BRD10: variants seen among roughly 807,000 people sequenced by gnomAD.
BRD10 encodes the protein bromodomain containing 10.
chr9:5,929,039 AT>A, the BRD10 span: 1 of 1,466,228 alleles, frequency 6.8e-7, no homozygotes. Context: ...TAACATTAAA[AT>A]TACCTGTTTC....
At chr9:5,987,065 G>C in the BRD10 span, among the ~76,000 whole-genome samples, 1,267 of 152,188 alleles carry the variant, frequency 8.3e-3, 15 homozygotes, top group African/African-American at 0.029. Context: ...GTATGACCTT[G>C]GGCAAGTTAC....
At chr9:5,915,868 T>C in the BRD10 span, among the ~76,000 whole-genome samples, 1 of 152,228 alleles carries the variant, frequency 6.6e-6, no homozygotes, top group Non-Finnish European at 1.5e-5. Flanking sequence ...GTAGATGCCT[T>C]GAATTTGTTT....
chr9:5,882,553 A>C, the BRD10 span, among the ~76,000 whole-genome samples: 1 of 152,198 alleles, frequency 6.6e-6, no homozygotes, highest in Non-Finnish European at 1.5e-5. Flanking sequence ...TCACAACCTT[A>C]CACAAAAAAT....
At chr9:5,918,672 TTAGTGGCAA>T in the BRD10 span, among the ~76,000 whole-genome samples, 4 of 146,906 alleles carry the variant, frequency 2.7e-5, no homozygotes, top group Admixed American at 1.4e-4. Flanking sequence ...ATTAGTGGCA[TTAGTGGCAA>T]AAAAACCACA....
At chr9:5,968,626 G>A in the BRD10 span, 1 of 1,613,500 alleles carries the variant, frequency 6.2e-7, no homozygotes, top group African/African-American at 1.3e-5. Flanking sequence ...GCTCTTTCTT[G>A]AAGGAAGAGG....
At chr9:5,935,555 CT>C in the BRD10 span, among the ~76,000 whole-genome samples, 1 of 152,188 alleles carries the variant, frequency 6.6e-6, no homozygotes, top group East Asian at 1.9e-4. Context: ...CTGAATTTGA[CT>C]GTTTTCAATA....
At chr9:5,909,161 AG>A in the BRD10 span, 1,301 of 157,218 alleles carry the variant, frequency 8.3e-3, 7 homozygotes, top group Non-Finnish European at 0.013. Flanking sequence ...GTTAAGACAA[AG>A]GGTTGACTGG....
chr9:6,001,716 C>G, the BRD10 span, among the ~76,000 whole-genome samples: 1 of 152,188 alleles, frequency 6.6e-6, no homozygotes, highest in Non-Finnish European at 1.5e-5. Flanking sequence ...AAACCTAGCT[C>G]AAAAACTACA....
chr9:5,953,404 A>T, the BRD10 span, among the ~76,000 whole-genome samples: 1 of 152,248 alleles, frequency 6.6e-6, no homozygotes, highest in Admixed American at 6.5e-5. Flanking sequence ...TATTAGCTAC[A>T]AATAAAAAAC....
At chr9:5,897,664 T>A in the BRD10 span, 3 of 1,606,930 alleles carry the variant, frequency 1.9e-6, no homozygotes, top group Non-Finnish European at 2.6e-6. Flanking sequence ...GTTGGTAAAG[T>A]TCCCACTGCT....
chr9:5,969,015 C>T, the BRD10 span: 1 of 1,610,740 alleles, frequency 6.2e-7, no homozygotes. Flanking sequence ...TCTCCAAGAA[C>T]TTTAAAAAAC....
chr9:5,880,368 C>A, the BRD10 span, among the ~76,000 whole-genome samples: 1 of 151,836 alleles, frequency 6.6e-6, no homozygotes, highest in Non-Finnish European at 1.5e-5. Context: ...AAAAATTAGC[C>A]GGGCGTCATG....
At chr9:5,883,573 C>A in the BRD10 span, among the ~76,000 whole-genome samples, 1 of 147,096 alleles carries the variant, frequency 6.8e-6, no homozygotes, top group Admixed American at 7.0e-5. Flanking sequence ...TCAGGTGATC[C>A]TCTCACCTCA....
chr9:6,008,153 C>T, the BRD10 span: 4 of 981,240 alleles, frequency 4.1e-6, no homozygotes, highest in Admixed American at 6.2e-5. Context: ...GCCCCACCCC[C>T]TCCCGGGCCA....
At chr9:5,902,291 A>G in the BRD10 span, among the ~76,000 whole-genome samples, 28 of 152,312 alleles carry the variant, frequency 1.8e-4, no homozygotes, top group Admixed American at 3.3e-4. Flanking sequence ...TTGTGAGCAT[A>G]GTTCATAGTA....
chr9:6,007,489 G>T, the BRD10 span: 4 of 1,612,062 alleles, frequency 2.5e-6, no homozygotes, highest in Admixed American at 1.7e-5. Flanking sequence ...CTGCAGAAAG[G>T]GGGCGGTGAG....
chr9:5,931,326 G>C, the BRD10 span, among the ~76,000 whole-genome samples: 223 of 152,296 alleles, frequency 1.5e-3, no homozygotes, highest in African/African-American at 5.1e-3. Flanking sequence ...GTTATTTCAA[G>C]ATATTTGTCA....
chr9:5,992,734 C>G, the BRD10 span, among the ~76,000 whole-genome samples: 3 of 147,826 alleles, frequency 2.0e-5, no homozygotes, highest in Non-Finnish European at 3.0e-5. Context: ...TTTTTTAACA[C>G]AAAGCATGTA....
At chr9:5,926,196 G>A in the BRD10 span, among the ~76,000 whole-genome samples, 41 of 152,208 alleles carry the variant, frequency 2.7e-4, no homozygotes, top group African/African-American at 8.7e-4. Context: ...GATTACAGGC[G>A]TGAATCACTG....
Sources: allele counts gnomAD v4.1 joint callset (sites outside exome capture counted in the v4.1 genomes callset), GRCh38; gene constraint gnomAD v4.1.1; transcripts MANE v1.5; gene names NCBI Gene and HGNC (gene_info 2026-07-23, HGNC 2026-07-21).